VPS11: variants seen among roughly 807,000 people sequenced by gnomAD.
The protein encoded by VPS11 is VPS11 core subunit of CORVET and HOPS complexes.
VPS11 carries 51 observed loss-of-function variants against 106.8 expected under a neutral mutation model. The observed-to-expected ratio is 0.48, with a 90% confidence interval of 0.38 to 0.60. VPS11 has a LOEUF of 0.60. VPS11 is among the 20% of genes least tolerant of loss of function. The probability of loss-of-function intolerance (pLI) is 0.00; values close to 1 mark genes in which losing one functional copy is unlikely to be tolerated. For missense variants in VPS11, 950 were observed against 1,190.0 expected (o/e 0.80, Z 2.97); for synonymous variants, 453 against 458.7 (o/e 0.99, Z 0.16).
intron 7 of VPS11, among the ~76,000 whole-genome samples, chr11:119,076,484 CCACTGCACT>C (rs1454940402): frequency 2.6e-5 from 4 of 151,512 alleles, no homozygotes; most frequent in Admixed American, 2.6e-4. Context: ...TGAGATCGTG[CCACTGCACT>C]CCAGCCTGGG....
At chr11:119,079,645 G>A (rs1038474300) in intron 14 of VPS11, among the ~76,000 whole-genome samples, 11 of 152,222 alleles carry the variant, frequency 7.2e-5, no homozygotes, top group South Asian at 2.1e-4. Context: ...GTGTGATCAC[G>A]GCTCACTGCA....
rs782476506 is a variant in VPS11, at chr11:119,073,963, G to A, written c.1238+12G>A. 1.9e-6 allele frequency: 3 copies of A among 1,604,638 alleles called. No individual in the cohort carries two copies. Among genetic ancestry groups the A allele is most frequent in the Non-Finnish European group, 2.6e-6 (3 of 1,173,292 alleles). Reference sequence around the variant, plus strand: ...CAGCAATATATCCGGTCAGTCTGGAGGCACTTTGGGATATAGCTGTGAATG... The same window carrying A: ...CAGCAATATATCCGGTCAGTCTGGAAGCACTTTGGGATATAGCTGTGAATG... On this transcript the variant is annotated intron_variant, in intron 7 of 15. Coordinates refer to ENST00000621676, the MANE Select transcript of VPS11 (RefSeq NM_021729.6).
intron 11 of VPS11, 97 bp downstream of exon 11, chr11:119,078,431 AAC>A: frequency 1.3e-6 from 2 of 1,572,522 alleles, no homozygotes; most frequent in Non-Finnish European, 1.7e-6. Flanking sequence ...TTAGACCAGT[AAC>A]ACCTTACCTC....
At position 119,079,236 on chromosome 11, in the gene VPS11, C is replaced by G. The variant is rs368011627; in HGVS notation, c.2374C>G (p.Arg792Gly). 1.2e-6 allele frequency: 2 copies of G among 1,610,038 alleles called. No individual in the cohort carries two copies. Among genetic ancestry groups the G allele is most frequent in the South Asian group, 2.2e-5 (2 of 90,306 alleles). ...QSQQIAQDEL[R>G]VRRYREETTR... The stretch of plus-strand genomic sequence containing the variant: ...CCAGCAGATTGCACAGGATGAGCTG[C>G]GGGTGCGGCGGTACCGAGAGGAGAC... Residue 792 changes from arginine (R) to glycine (G), a missense_variant, in exon 14 of 16, where the codon CGG becomes GGG. Arg to Gly is a moderately radical substitution (Grantham distance 125). This residue lies in a region of VPS11 where 453 missense variants were observed against 514.6 expected (regional missense o/e 0.88). Coordinates refer to ENST00000621676, the MANE Select transcript of VPS11 (RefSeq NM_021729.6).
At position 119,067,847 on chromosome 11, in the gene VPS11, G is replaced by A. The variant is rs2133639057; in HGVS notation, c.24G>A (p.Arg8=). 6.4e-6 allele frequency: 10 copies of A among 1,553,538 alleles called. No homozygotes were observed. In the East Asian group the frequency reaches 2.2e-4, roughly 34 times the overall value. ...AAATGGCGGCCTACCTGCAGTGGCG[G>A]CGCTTCGTTTTCTTCGACAAGGAGC... MAAYLQW[R]RFVFFDKELV... Residue 8 remains arginine (R), a synonymous_variant, in exon 1 of 16, where the codon CGG becomes CGA. Coordinates refer to ENST00000621676, the MANE Select transcript of VPS11 (RefSeq NM_021729.6).
intron 14 of VPS11, 61 bp downstream of exon 14, chr11:119,079,361 C>A: frequency 6.7e-7 from 1 of 1,502,390 alleles, no homozygotes; most frequent in South Asian, 1.3e-5. Context: ...ACAGGGTATT[C>A]ATTACTAAGT....
chr11:119,068,031 T>C, intron 1 of VPS11, 21 bp downstream of exon 1: 1 of 1,581,550 alleles, frequency 6.3e-7, no homozygotes, highest in Non-Finnish European at 8.6e-7. Context: ...TTTGGAGCTG[T>C]CTTTTCCCTC....
chr11:119,068,127 C>A, intron 1 of VPS11, 117 bp downstream of exon 1: 1 of 1,209,312 alleles, frequency 8.3e-7, no homozygotes, highest in Non-Finnish European at 1.1e-6. Context: ...AGCTGGTCAT[C>A]CAGAGTTGTT....
chr11:119,077,366 A>G, intron 8 of VPS11, 135 bp from the exon 9 acceptor site: 4 of 1,293,068 alleles, frequency 3.1e-6, no homozygotes, highest in Non-Finnish European at 1.0e-6. Flanking sequence ...AAACTCCCAC[A>G]GGCTGAGTAG....
chr11:119,071,522 A>G, intron 4 of VPS11, 74 bp from the exon 5 acceptor site: 1 of 1,555,622 alleles, frequency 6.4e-7, no homozygotes, highest in Non-Finnish European at 8.7e-7. Flanking sequence ...CAGTATGGAG[A>G]TGGGAATACC....
At position 119,070,410 on chromosome 11, in the gene VPS11, C is replaced by T. The variant is rs1245972082; in HGVS notation, c.636+13C>T. 6.2e-7 allele frequency: 1 copy of T among 1,605,140 alleles called. No individual in the cohort carries two copies. The highest frequency in any genetic ancestry group is 1.1e-5 in the South Asian group (1 of 90,128). On this transcript the variant is annotated intron_variant, in intron 4 of 15. Transcript: ENST00000621676. ...AGAGAACGTCCAGGTATGACCAAGG[C>T]CTCCACTCTTAGGAGCAGGCAGGGA...
rs1945636353 is a variant in VPS11, at chr11:119,076,775, G to T, written c.1239-122G>T. 2.6e-6 allele frequency: 3 copies of T among 1,143,900 alleles called. No individual in the cohort carries two copies. The South Asian group carries it at 4.5e-5, about 17-fold the overall frequency. The allele number at this position is 1,143,900 out of a possible 1,614,324, so 70.9% of individuals were successfully genotyped here. A position where few individuals can be genotyped will look rare whatever the true frequency, so the allele number is the denominator to read the frequency against. On this transcript the variant is annotated intron_variant, in intron 7 of 15. Coordinates refer to ENST00000621676, the MANE Select transcript of VPS11 (RefSeq NM_021729.6). The stretch of plus-strand genomic sequence containing the variant: ...CTTTGTTAGAAATGTAGAATCTCAG[G>T]CCCCACTCCAGATCCACTGAAATAG...
intron 10 of VPS11, 53 bp from the exon 11 acceptor site, chr11:119,078,120 C>G (rs1015319447): frequency 9.3e-6 from 15 of 1,609,510 alleles, no homozygotes; most frequent in Non-Finnish European, 1.3e-5. Context: ...TAAGGGCTTC[C>G]TGTATATCAC....
chr11:119,073,311 T>C lies in VPS11; in HGVS notation c.998T>C (p.Val333Ala), dbSNP rs1945470382. 2 of 1,613,910 alleles carry C rather than the reference T, an allele frequency of 1.2e-6. No homozygotes were observed. The highest frequency in any genetic ancestry group is 1.7e-6 in the Non-Finnish European group (2 of 1,179,908). ...ACCGTCTTTGAGGATGTAGTGGATG[T>C]GCTTGCTGAGTGGGGCTCCCTGTAC... ...YSTVFEDVVDVLAEWGSLYVL... is the reference protein window; with the variant it reads ...YSTVFEDVVDALAEWGSLYVL... Residue 333 changes from valine to alanine, a missense_variant, in exon 6 of 16, where the codon GTG (valine) becomes GCG (alanine). Coordinates refer to ENST00000621676, the MANE Select transcript of VPS11 (RefSeq NM_021729.6).
chr11:119,081,619 C>G lies in VPS11; in HGVS notation c.2822C>G (p.Thr941Ser). 6.2e-7 allele frequency: 1 copy of G among 1,613,756 alleles called. No homozygotes were observed. The highest frequency in any genetic ancestry group is 8.5e-7 in the Non-Finnish European group (1 of 1,179,794). Residue 941 changes from threonine (T) to serine (S), a missense_variant, in exon 16 of 16, where the codon ACT (threonine) becomes AGT (serine). Coordinates refer to ENST00000621676, the MANE Select transcript of VPS11 (RefSeq NM_021729.6). ...RDLLMHSRRG[T>S] ...CTACTCATGCACTCCAGGAGGGGCA[C>G]TTAAGCAGCCTGGAGGAAGATGTGG...
At chr11:119,075,924 A>G (rs1273119934) in intron 7 of VPS11, among the ~76,000 whole-genome samples, 1 of 91,012 alleles carries the variant, frequency 1.1e-5, no homozygotes, top group East Asian at 3.0e-4. Context: ...AGATAATAAT[A>G]ATAATAATAA....
At position 119,077,865 on chromosome 11, in the gene VPS11, T is replaced by C; in HGVS notation, c.1573-13T>C. 6.2e-7 allele frequency: 1 copy of C among 1,613,942 alleles called. No individual in the cohort carries two copies. The highest frequency in any genetic ancestry group is 8.5e-7 in the Non-Finnish European group (1 of 1,179,830). Reference sequence around the variant, plus strand: ...CAGGAGTATACACTATTCTGCCCTTTACTTTTCCACAGAATTATCAGGAAG... The same window carrying C: ...CAGGAGTATACACTATTCTGCCCTTCACTTTTCCACAGAATTATCAGGAAG... On this transcript the variant is annotated splice_polypyrimidine_tract_variant and intron_variant, in intron 9 of 15. Transcript: ENST00000621676.
At position 119,070,370 on chromosome 11, in the gene VPS11, G is replaced by A. The variant is rs782730868; in HGVS notation, c.609G>A (p.Leu203=). ...AFRQAGKTTH[L]FVVTTENVQS... ...GCCAAGCAGGAAAGACCACTCACTT[G>A]TTTGTTGTGACAACAGAGAACGTCC... is the stretch of plus-strand genomic sequence containing the variant. Residue 203 remains leucine (L), a synonymous_variant, in exon 4 of 16, where the codon TTG becomes TTA. Coordinates refer to ENST00000621676, the MANE Select transcript of VPS11 (RefSeq NM_021729.6). The A allele has an allele frequency of 5.6e-6, 9 of 1,613,190 alleles. No homozygotes were observed. The highest frequency in any genetic ancestry group is 7.6e-6 in the Non-Finnish European group (9 of 1,179,496).
chr11:119,069,635 C>T, intron 3 of VPS11, 58 bp downstream of exon 3: 1 of 1,608,866 alleles, frequency 6.2e-7, no homozygotes, highest in Non-Finnish European at 8.5e-7. Flanking sequence ...TTCAGAGTTG[C>T]TTCTGCCTCT....
Sources: gnomAD v4.1 joint callset for allele counts (sites outside exome capture counted in the v4.1 genomes callset) on GRCh38, gnomAD v4.1.1 for gene constraint, gnomAD v4.1.1 regional missense constraint, MANE v1.5 for transcripts, NCBI Gene and HGNC (gene_info 2026-07-23, HGNC 2026-07-21) for gene names.